The following RNMT variants were observed in gnomAD, a reference collection of about 807,000 sequenced individuals.
RNMT encodes mRNA cap guanine-N(7) methyltransferase.
Under a neutral mutation model 56.0 loss-of-function variants are expected in RNMT, and 27 were observed. That is an observed-to-expected ratio of 0.48 (90% CI 0.36 to 0.67). The LOEUF is 0.67. Among genes scored for constraint, RNMT ranks in the 30% least tolerant of loss-of-function variants. The probability of loss-of-function intolerance (pLI) is 0.00; values close to 1 mark genes in which losing one functional copy is unlikely to be tolerated. For synonymous variants in RNMT, 184 were observed against 176.2 expected, an observed-to-expected ratio of 1.04 and a Z score of -0.35; for missense variants, 519 against 552.1, an observed-to-expected ratio of 0.94 and a Z score of 0.60.
intron 10 of RNMT, among the ~76,000 whole-genome samples, chr18:13,753,863 A>T (rs2149105448): frequency 6.9e-6 from 1 of 145,920 alleles, no homozygotes; most frequent in East Asian, 2.0e-4. Context: ...TGCCCTCTTC[A>T]CACACATTCA....
intron 10 of RNMT, among the ~76,000 whole-genome samples, chr18:13,753,051 C>T (rs1359507911): frequency 6.6e-6 from 1 of 152,014 alleles, no homozygotes; most frequent in South Asian, 2.1e-4. Flanking sequence ...AATTTATTTC[C>T]TTTGTGTGAT....
At chr18:13,752,788 C>T (rs2044472606) in intron 10 of RNMT, among the ~76,000 whole-genome samples, 1 of 152,176 alleles carries the variant, frequency 6.6e-6, no homozygotes, top group Non-Finnish European at 1.5e-5. Context: ...CTAATTTCTG[C>T]GTAAAAGTTT....
At position 13,754,231 on chromosome 18, in the gene RNMT, G is replaced by A. The variant is rs1173055418; in HGVS notation, c.1393+84G>A. The A allele has an allele frequency of 7.7e-6, 7 of 909,400 alleles. No homozygotes were observed. The East Asian group carries it at 1.5e-4, about 20-fold the overall frequency. 56.3% of individuals were successfully genotyped at this position (909,400 alleles called of 1,614,324 possible). On this transcript the variant is annotated intron_variant, in intron 11 of 11. Transcript: ENST00000383314. ...TCATTAAAACCTGAAAAAAGGCTGG[G>A]CACTGTGGCTCACACCAGTACTCTC... is the stretch of plus-strand genomic sequence containing the variant.
intron 5 of RNMT, among the ~76,000 whole-genome samples, chr18:13,737,877 A>G (rs1424382300): frequency 6.6e-6 from 1 of 151,960 alleles, no homozygotes; most frequent in African/African-American, 2.4e-5. Context: ...TTTCAATCAG[A>G]TAAAGAGGAA....
In RNMT at chr18:13,761,863, A is replaced by AACCCCCC; in HGVS notation, c.*1885_*1886insCCCCCCA. ...CCTACACCCCCCTCCCCCCGGCCCC[A>AACCCCCC]AGCCCCTGTGTCTCCTTGTTACAAT... On this transcript the variant is annotated 3_prime_UTR_variant, in exon 12 of 12. Coordinates refer to ENST00000383314, the MANE Select transcript of RNMT (RefSeq NM_003799.3). 2 of 334,476 alleles carry AACCCCCC rather than the reference A, an allele frequency of 6.0e-6. No homozygotes were observed. Among genetic ancestry groups the AACCCCCC allele is most frequent in the Non-Finnish European group, 7.0e-6 (2 of 286,792 alleles). The allele number at this position is 334,476 out of a possible 1,614,324, so 20.7% of individuals were successfully genotyped here. A position where few individuals can be genotyped will look rare whatever the true frequency, so the allele number is the denominator to read the frequency against.
intron 9 of RNMT, among the ~76,000 whole-genome samples, chr18:13,751,099 G>A (rs1030828408): frequency 2.0e-5 from 3 of 152,170 alleles, no homozygotes; most frequent in African/African-American, 7.2e-5. Flanking sequence ...TGCAACAAAA[G>A]CCAAAACTGA....
chr18:13,763,383 C>T lies in RNMT; in HGVS notation c.*3404C>T, dbSNP rs369500449. On this transcript the variant is annotated 3_prime_UTR_variant, in exon 12 of 12. Transcript: ENST00000383314. ...CTCTGCTCCCATGTAGGCCTAAAGT[C>T]ACCCCACTCCTTAGTGCCTGCACCT... 8.6e-5 allele frequency: 25 copies of T among 292,190 alleles called. No individual in the cohort carries two copies. Among genetic ancestry groups the T allele is most frequent in the African/African-American group, 5.4e-4 (25 of 46,246 alleles). The allele number at this position is 292,190 out of a possible 1,614,324, so 18.1% of individuals were successfully genotyped here. A position where few individuals can be genotyped will look rare whatever the true frequency, so the allele number is the denominator to read the frequency against.
rs772738188 is a variant in RNMT at position 13,737,032 on chromosome 18, A to G, written c.576A>G (p.Arg192=). ...VLIGEFLEKV[R]QKKKRDITVL... ...TAGGAGAATTTTTGGAAAAGGTACG[A>G]CAGAAGAAAAAACGTGATATCACTG... Residue 192 remains arginine, a synonymous_variant, in exon 5 of 12, where the codon CGA becomes CGG. Coordinates refer to ENST00000383314, the MANE Select transcript of RNMT (RefSeq NM_003799.3). 4.3e-6 allele frequency: 7 copies of G among 1,613,604 alleles called. No individual in the cohort carries two copies. The African/African-American group carries it at 5.3e-5, about 12-fold the overall frequency.
At chr18:13,758,850 C>T (rs2149109712) in intron 11 of RNMT, among the ~76,000 whole-genome samples, 1 of 152,200 alleles carries the variant, frequency 6.6e-6, no homozygotes, top group African/African-American at 2.4e-5. Flanking sequence ...ATGTGCAAGT[C>T]TTCCTTTCAC....
At chr18:13,737,949 AT>A (rs1008878810) in intron 5 of RNMT, among the ~76,000 whole-genome samples, 74 of 146,696 alleles carry the variant, frequency 5.0e-4, no homozygotes, top group Admixed American at 6.2e-4. Context: ...CTAGGCAATA[AT>A]TTTTTTTTTT....
Position 13,761,209 on chromosome 18 carries a change from T to A in RNMT, c.*1230T>A. ...AAACTTTTTAGCAAGAAAATATGGA[T>A]TTCCTCATTTCAGTTCCTTCTGCAG... On this transcript the variant is annotated 3_prime_UTR_variant, in exon 12 of 12. Transcript: ENST00000383314. 2.0e-6 allele frequency: 2 copies of A among 985,476 alleles called. No homozygotes were observed. The highest frequency in any genetic ancestry group is 2.4e-6 in the Non-Finnish European group (2 of 829,934). 61.0% of individuals were successfully genotyped at this position (985,476 alleles called of 1,614,324 possible).
At chr18:13,751,327 CA>C (rs367815371) in intron 9 of RNMT, among the ~76,000 whole-genome samples, 1 of 152,198 alleles carries the variant, frequency 6.6e-6, no homozygotes, top group Non-Finnish European at 1.5e-5. Context: ...AGACACTTCT[CA>C]AAACACGACA....
intron 5 of RNMT, 113 bp from the exon 6 acceptor site, chr18:13,740,053 AC>A: frequency 1.5e-6 from 1 of 673,212 alleles, no homozygotes; most frequent in South Asian, 1.8e-5. Flanking sequence ...AGGAAATAAA[AC>A]CTTTTCACTG....
At chr18:13,756,701 A>G (rs2044549649) in intron 11 of RNMT, among the ~76,000 whole-genome samples, 1 of 152,252 alleles carries the variant, frequency 6.6e-6, no homozygotes, top group Admixed American at 6.5e-5. Flanking sequence ...GTATTTTGGA[A>G]AAACTGCTAT....
intron 5 of RNMT, among the ~76,000 whole-genome samples, chr18:13,739,575 A>G (rs2044218767): frequency 6.6e-6 from 1 of 152,166 alleles, no homozygotes; most frequent in Admixed American, 6.5e-5. Flanking sequence ...TTGAGGCCAG[A>G]AGTTAGAGAC....
At chr18:13,735,454 T>A (rs988425343) in intron 4 of RNMT, among the ~76,000 whole-genome samples, 12 of 152,070 alleles carry the variant, frequency 7.9e-5, no homozygotes, top group Non-Finnish European at 1.8e-4. Context: ...TACAAAAATA[T>A]TTATTTGACT....
chr18:13,746,782 C>A (rs903350608), intron 9 of RNMT, among the ~76,000 whole-genome samples: 32 of 152,194 alleles, frequency 2.1e-4, no homozygotes, highest in Admixed American at 1.4e-3. Flanking sequence ...AAGTTGAGAA[C>A]CAGTTCTTTA....
At chr18:13,753,487 T>C (rs1051461755) in intron 10 of RNMT, among the ~76,000 whole-genome samples, 1 of 149,782 alleles carries the variant, frequency 6.7e-6, no homozygotes, top group African/African-American at 2.5e-5. Context: ...GAATACAAGA[T>C]AGGCCGGGCG....
At chr18:13,738,111 C>G (rs942176711) in intron 5 of RNMT, among the ~76,000 whole-genome samples, 6 of 152,074 alleles carry the variant, frequency 3.9e-5, no homozygotes, top group Non-Finnish European at 8.8e-5. Context: ...ATACATACCC[C>G]CACTACTGAA....
Sources: gnomAD v4.1 joint callset for allele counts (sites outside exome capture counted in the v4.1 genomes callset) on GRCh38, gnomAD v4.1.1 for gene constraint, MANE v1.5 for transcripts, NCBI Gene and HGNC (gene_info 2026-07-23, HGNC 2026-07-21) for gene names.